PUM1: variants seen among roughly 807,000 people sequenced by gnomAD.
The protein encoded by PUM1 is pumilio homolog 1.
A neutral mutation model predicts 131.8 loss-of-function variants in PUM1; 13 were observed. That is an observed-to-expected ratio of 0.10 (90% CI 0.06 to 0.16). The LOEUF is 0.16. Ranked by LOEUF, PUM1 falls within the 10% of genes least tolerant of loss-of-function variation. The probability of loss-of-function intolerance (pLI) is 1.00; values close to 1 mark genes in which losing one functional copy is unlikely to be tolerated. For missense variants in PUM1, 961 were observed against 1,512.4 expected (o/e 0.64, Z 6.05); for synonymous variants, 509 against 556.5 (o/e 0.91, Z 1.20).
intron 2 of PUM1, among the ~76,000 whole-genome samples, chr1:31,032,571 TAA>T (rs11295813): frequency 0.11 from 15,489 of 144,358 alleles, 1,067 homozygotes; most frequent in Admixed American, 0.21. Flanking sequence ...ATCTTTTTTT[TAA>T]AAAAAAAAAA....
At chr1:30,975,470 C>T (rs1341450555) in intron 9 of PUM1, among the ~76,000 whole-genome samples, 1 of 151,768 alleles carries the variant, frequency 6.6e-6, no homozygotes, top group Non-Finnish European at 1.5e-5. Flanking sequence ...CCCACCTCAG[C>T]CTCCCTAATA....
chr1:30,942,995 A>AGCAG (rs1639521859), intron 18 of PUM1, among the ~76,000 whole-genome samples: 1 of 152,168 alleles, frequency 6.6e-6, no homozygotes, highest in African/African-American at 2.4e-5. Flanking sequence ...GCCTTAAGCA[A>AGCAG]TCCTCCCACC....
Position 30,965,972 on chromosome 1 carries a change from T to A in PUM1, c.2086+10A>T, listed in dbSNP as rs778234662. On this transcript the variant is annotated intron_variant, in intron 13 of 21. Transcript: ENST00000426105. ...ATTCAGTCTTAAGAGCATATCAGTC[T>A]AATTTCTACCTGCTGTTCCAAACCC... 2 of 1,604,864 alleles carry A rather than the reference T, an allele frequency of 1.2e-6. No individual in the cohort carries two copies. The highest frequency in any genetic ancestry group is 2.7e-5 in the African/African-American group (2 of 74,464).
At position 31,028,353 on chromosome 1, in the gene PUM1, T is replaced by C. The variant is rs367588733; in HGVS notation, c.432+443A>G. 8.3e-5 allele frequency among the ~76,000 whole-genome samples: 11 copies of C among 132,974 alleles called. No individual in the cohort carries two copies. The East Asian group carries it at 1.6e-3, about 19-fold the overall frequency. The allele number at this position is 132,974 out of a possible 152,430, so 87.2% of individuals were successfully genotyped here. A position where few individuals can be genotyped will look rare whatever the true frequency, so the allele number is the denominator to read the frequency against. ...AAACAACTTCCTCAAAAAAAGGCACTACTCTAAAAATAGGTTACTGACATT... is the reference window on the plus strand; with the variant it reads ...AAACAACTTCCTCAAAAAAAGGCACCACTCTAAAAATAGGTTACTGACATT... On this transcript the variant is annotated intron_variant, in intron 3 of 21. Transcript: ENST00000426105.
At chr1:30,974,559 A>G in intron 10 of PUM1, 92 bp downstream of exon 10, 1 of 1,248,408 alleles carries the variant, frequency 8.0e-7, no homozygotes, top group Non-Finnish European at 1.1e-6. Context: ...TCATGCATTC[A>G]CAGTGTTTTT....
chr1:30,979,436 T>C (rs937267325), intron 9 of PUM1, among the ~76,000 whole-genome samples: 1 of 152,170 alleles, frequency 6.6e-6, no homozygotes, highest in Non-Finnish European at 1.5e-5. Context: ...CCCTATATAC[T>C]GTGGGTCCCA....
chr1:30,947,671 T>C (rs887519382), intron 17 of PUM1, among the ~76,000 whole-genome samples: 2 of 152,210 alleles, frequency 1.3e-5, no homozygotes, highest in African/African-American at 4.8e-5. Flanking sequence ...TAAACTGTGC[T>C]GCCAGTGGAT....
intron 3 of PUM1, among the ~76,000 whole-genome samples, chr1:31,026,211 G>T (rs1037519531): frequency 1.3e-5 from 2 of 151,062 alleles, no homozygotes; most frequent in Non-Finnish European, 2.9e-5. Context: ...AGCCGAGATT[G>T]TGCCACTTCA....
intron 16 of PUM1, among the ~76,000 whole-genome samples, chr1:30,951,376 CA>C (rs1352357425): frequency 1.3e-4 from 20 of 152,190 alleles, no homozygotes; most frequent in Non-Finnish European, 2.5e-4. Context: ...GGTGAAAAAA[CA>C]TAAGTCTTCA....
intron 1 of PUM1, among the ~76,000 whole-genome samples, chr1:31,062,525 C>T: frequency 6.7e-6 from 1 of 150,270 alleles, no homozygotes; most frequent in Non-Finnish European, 1.5e-5. Flanking sequence ...GAGACTGAGG[C>T]AGAAGAATCG....
intron 3 of PUM1, among the ~76,000 whole-genome samples, chr1:31,021,315 A>G (rs1238638487): frequency 6.6e-6 from 1 of 152,184 alleles, no homozygotes; most frequent in Non-Finnish European, 1.5e-5. Context: ...CATCCCTGAG[A>G]GCAGAAAAGT....
At chr1:30,986,509 T>G (rs1641565157) in intron 7 of PUM1, among the ~76,000 whole-genome samples, 1 of 151,960 alleles carries the variant, frequency 6.6e-6, no homozygotes, top group South Asian at 2.1e-4. Flanking sequence ...ATGATTACAA[T>G]GATTTTTCGT....
At chr1:30,969,195 G>C (rs763613339) in intron 10 of PUM1, among the ~76,000 whole-genome samples, 5 of 151,392 alleles carry the variant, frequency 3.3e-5, no homozygotes, top group African/African-American at 9.7e-5. Flanking sequence ...TCCCAGCTAC[G>C]AGAGAGGATG....
intron 14 of PUM1, among the ~76,000 whole-genome samples, chr1:30,954,339 A>C: frequency 6.6e-6 from 1 of 152,012 alleles, no homozygotes; most frequent in East Asian, 1.9e-4. Flanking sequence ...TGCAAAACAA[A>C]CTCAGACTGG....
intron 14 of PUM1, among the ~76,000 whole-genome samples, chr1:30,958,183 A>C (rs907498544): frequency 6.6e-6 from 1 of 152,238 alleles, no homozygotes; most frequent in African/African-American, 2.4e-5. Flanking sequence ...TAAAAAACTA[A>C]AAGGCGTATA....
Position 31,065,621 on chromosome 1 carries a change from G to A in PUM1, c.-17C>T. The stretch of plus-strand genomic sequence containing the variant: ...GGTGGGGTGCGGATACTCACGGGCG[G>A]AGCGGTAGGATGAAGATGGATTTCA... On this transcript the variant is annotated 5_prime_UTR_variant, in exon 1 of 22. Coordinates refer to ENST00000426105, the MANE Select transcript of PUM1 (RefSeq NM_001020658.2). 6.5e-7 allele frequency: 1 copy of A among 1,547,684 alleles called. No homozygotes were observed. The highest frequency in any genetic ancestry group is 1.2e-5 in the South Asian group (1 of 84,028).
At chr1:30,988,104 G>C (rs142493902) in intron 7 of PUM1, among the ~76,000 whole-genome samples, 2 of 152,214 alleles carry the variant, frequency 1.3e-5, no homozygotes, top group African/African-American at 4.8e-5. Context: ...ATTCTGAGAA[G>C]TAGTCCACAT....
chr1:30,968,548 A>C (rs1181184337), intron 10 of PUM1, 56 bp from the exon 11 acceptor site: 1 of 1,550,036 alleles, frequency 6.5e-7, no homozygotes, highest in African/African-American at 1.4e-5. Flanking sequence ...GAGAAGACCT[A>C]CCCTATGCTC....
intron 17 of PUM1, among the ~76,000 whole-genome samples, chr1:30,948,431 A>G (rs1258731236): frequency 1.3e-5 from 2 of 152,142 alleles, no homozygotes; most frequent in Admixed American, 6.5e-5. Flanking sequence ...ACAGAGAAAC[A>G]TGACCAGAAA....
Sources: gnomAD v4.1 joint callset for allele counts (sites outside exome capture counted in the v4.1 genomes callset) on GRCh38, gnomAD v4.1.1 for gene constraint, MANE v1.5 for transcripts, NCBI Gene and HGNC (gene_info 2026-07-23, HGNC 2026-07-21) for gene names.